Variants in NBEA observed in about 807,000 individuals in gnomAD.
The protein encoded by NBEA is neurobeachin, also known as lysosomal-trafficking regulator 2.
NBEA carries 44 observed loss-of-function variants against 343.4 expected under a neutral mutation model. The ratio of observed to expected loss-of-function variants is 0.13; its 90% confidence interval spans 0.10 to 0.16. The LOEUF (loss-of-function observed/expected upper bound fraction) is 0.16. Among genes scored for constraint, NBEA ranks in the 10% least tolerant of loss-of-function variants. NBEA has a pLI of 1.00. For missense variants in NBEA, 2,555 were observed against 3,631.3 expected, an observed-to-expected ratio of 0.70 and a Z score of 7.62; for synonymous variants, 1,175 against 1,238.7, an observed-to-expected ratio of 0.95 and a Z score of 1.08.
intron 1 of NBEA, among the ~76,000 whole-genome samples, chr13:34,979,777 A>G (rs1445109810): frequency 6.6e-6 from 1 of 152,220 alleles, no homozygotes; most frequent in Admixed American, 6.5e-5. Context: ...TGTATCCTTA[A>G]GAAAACATTG....
chr13:35,240,355 C>A (rs1393520434), intron 34 of NBEA, among the ~76,000 whole-genome samples: 1 of 151,712 alleles, frequency 6.6e-6, no homozygotes, highest in African/African-American at 2.4e-5. Context: ...TCGTTTAGCA[C>A]CCTTTAAGAA....
intron 38 of NBEA, among the ~76,000 whole-genome samples, chr13:35,354,864 G>T (rs1311067556): frequency 6.6e-6 from 1 of 152,130 alleles, no homozygotes; most frequent in Admixed American, 6.6e-5. Context: ...CGCCAGGTCT[G>T]TATATTCATC....
intron 41 of NBEA, among the ~76,000 whole-genome samples, chr13:35,518,827 G>T (rs141013641): frequency 6.6e-6 from 1 of 152,116 alleles, no homozygotes; most frequent in African/African-American, 2.4e-5. Context: ...GATTTGGGGC[G>T]GTGTGGGGGG....
intron 53 of NBEA, among the ~76,000 whole-genome samples, chr13:35,654,368 C>A (rs540345421): frequency 1.3e-5 from 2 of 152,314 alleles, no homozygotes; most frequent in South Asian, 4.1e-4. Flanking sequence ...GGGCTGCCCA[C>A]GTAACAACAT....
intron 1 of NBEA, among the ~76,000 whole-genome samples, chr13:34,994,347 T>C (rs768488235): frequency 1.1e-4 from 16 of 152,220 alleles, no homozygotes; most frequent in Middle Eastern, 6.8e-3. Flanking sequence ...TCAGTTGTTT[T>C]AATAAATGGG....
chr13:35,493,533 C>G (rs2076570553), intron 41 of NBEA, among the ~76,000 whole-genome samples: 2 of 151,978 alleles, frequency 1.3e-5, no homozygotes, highest in Middle Eastern at 3.4e-3. Flanking sequence ...AGGACCTAGT[C>G]ATATGTTTTA....
rs79467206 is a variant in NBEA, at chr13:34,989,713, G to A, written c.294+46599G>A. 9.8e-3 allele frequency among the ~76,000 whole-genome samples: 1,479 copies of A among 150,794 alleles called. 28 individuals carry two copies. Among genetic ancestry groups the A allele is most frequent in the African/African-American group, 0.034 (1,426 of 41,394 alleles). The stretch of plus-strand genomic sequence containing the variant: ...TTGTCACCTTTCAAAGCACAGTCAT[G>A]GCTTCCAAACAGACCCCCAATGTCT... On this transcript the variant is annotated intron_variant, in intron 1 of 58. Coordinates refer to ENST00000379939, the MANE Select transcript of NBEA (RefSeq NM_001385012.1).
At chr13:35,369,764 T>C (rs1319808571) in intron 38 of NBEA, among the ~76,000 whole-genome samples, 1 of 152,022 alleles carries the variant, frequency 6.6e-6, no homozygotes, top group East Asian at 1.9e-4. Flanking sequence ...CTTTAGGTTT[T>C]TCTAGATATA....
At chr13:35,253,854 A>G (rs2032266034) in intron 34 of NBEA, among the ~76,000 whole-genome samples, 2 of 152,128 alleles carry the variant, frequency 1.3e-5, no homozygotes, top group African/African-American at 2.4e-5. Context: ...AGAAAAAAAA[A>G]AGAACAGAAG....
At chr13:35,202,374 T>C (rs2073082878) in intron 31 of NBEA, among the ~76,000 whole-genome samples, 1 of 152,180 alleles carries the variant, frequency 6.6e-6, no homozygotes, top group Admixed American at 6.6e-5. Flanking sequence ...CCAAACTTAG[T>C]GTAATCCCCT....
intron 1 of NBEA, among the ~76,000 whole-genome samples, chr13:34,977,011 G>C (rs2060201932): frequency 6.7e-6 from 1 of 149,810 alleles, no homozygotes; most frequent in South Asian, 2.1e-4. Context: ...TGCAATCTTG[G>C]CTCACCGTAA....
chr13:35,139,756 T>TTTTG (rs2067979397), intron 17 of NBEA, among the ~76,000 whole-genome samples: 2 of 141,708 alleles, frequency 1.4e-5, no homozygotes, highest in Non-Finnish European at 3.1e-5. Context: ...TTTTTTTTTT[T>TTTTG]TTTTTTTTTT....
At chr13:35,239,282 C>T (rs2075377460) in intron 34 of NBEA, among the ~76,000 whole-genome samples, 1 of 152,010 alleles carries the variant, frequency 6.6e-6, no homozygotes, top group South Asian at 2.1e-4. Flanking sequence ...CTTATAGCTA[C>T]ATGATATACA....
intron 39 of NBEA, among the ~76,000 whole-genome samples, chr13:35,440,609 T>C (rs2045687465): frequency 1.3e-5 from 2 of 151,750 alleles, no homozygotes; most frequent in Admixed American, 6.6e-5. Context: ...GAATGGAAAA[T>C]GGTACTAAAT....
Position 35,655,572 on chromosome 13 carries a change from G to A in NBEA, c.8192-7G>A. ...AATGAAGCAAACCTGTCATTTCTGT[G>A]TTGCAGGGAAATTGACTCAGATTGT... On this transcript the variant is annotated splice_polypyrimidine_tract_variant and splice_region_variant and intron_variant, in intron 54 of 58. Transcript: ENST00000379939. 1 of 1,611,202 alleles carries A rather than the reference G, an allele frequency of 6.2e-7. No homozygotes were observed. Among genetic ancestry groups the A allele is most frequent in the South Asian group, 1.1e-5 (1 of 90,604 alleles).
chr13:35,156,096 G>T lies in NBEA; in HGVS notation c.2541G>T (p.Val847=). The change falls in exon 20 of 59, where the codon GTG becomes GTT. Residue 847 remains valine (V), a synonymous_variant. Transcript: ENST00000379939. ...CTTTGTTTACAGTGATTCTTAAAGT[G>T]GTGGCAACTTTGTTAAAAAACTCTA... The part of the protein sequence containing the change: ...VKIQNPMILK[V]VATLLKNSTP... The T allele has an allele frequency of 6.3e-7, 1 of 1,581,730 alleles. No homozygotes were observed.
At chr13:35,333,400 T>C (rs975236322) in intron 36 of NBEA, among the ~76,000 whole-genome samples, 12 of 152,122 alleles carry the variant, frequency 7.9e-5, no homozygotes, top group Admixed American at 6.6e-4. Flanking sequence ...ATTTTTAAAA[T>C]TTTTTATTTT....
chr13:35,627,507 C>A (rs1262065676), intron 48 of NBEA, among the ~76,000 whole-genome samples: 1 of 150,650 alleles, frequency 6.6e-6, no homozygotes, highest in Non-Finnish European at 1.5e-5. Flanking sequence ...ATTTATATTT[C>A]TTTCCCATTA....
At chr13:35,609,866 A>G (rs958074635) in intron 48 of NBEA, among the ~76,000 whole-genome samples, 2 of 152,320 alleles carry the variant, frequency 1.3e-5, no homozygotes, top group African/African-American at 2.4e-5. Context: ...GAACACAGCT[A>G]GTCAGTGGTC....
Sources: allele counts gnomAD v4.1 joint callset (sites outside exome capture counted in the v4.1 genomes callset), GRCh38; gene constraint gnomAD v4.1.1; transcripts MANE v1.5; gene names NCBI Gene and HGNC (gene_info 2026-07-23, HGNC 2026-07-21).